DDX60: variants seen among roughly 807,000 people sequenced by gnomAD.
DDX60 encodes the protein probable ATP-dependent RNA helicase DDX60.
In DDX60, 165 loss-of-function variants were observed where a neutral mutation model predicts 212.8. The ratio of observed to expected loss-of-function variants is 0.78; its 90% CI spans 0.68 to 0.88. DDX60 has a LOEUF of 0.88. DDX60 is among the 40% of genes least tolerant of loss of function. The pLI is 0.00. For missense variants in DDX60, 1,905 were observed against 2,003.9 expected, an observed-to-expected ratio of 0.95 and a Z score of 0.94; for synonymous variants, 703 against 685.3, an observed-to-expected ratio of 1.03 and a Z score of -0.40.
chr4:168,242,235 GGGAAAATAT>G (rs1440742942), intron 30 of DDX60, among the ~76,000 whole-genome samples: 1 of 152,224 alleles, frequency 6.6e-6, no homozygotes, highest in Admixed American at 6.5e-5. Context: ...GCAGTGCAAA[GGGAAAATAT>G]GGGGTTGGAG....
rs1736895947 is a variant in DDX60, at chr4:168,306,694, G to C, written c.291C>G (p.Phe97Leu). The C allele has an allele frequency of 6.2e-7, 1 of 1,613,208 alleles. No individual in the cohort carries two copies. Among genetic ancestry groups the C allele is most frequent in the African/African-American group, 1.3e-5 (1 of 74,888 alleles). ...FKDAEYAYFN[F>L]PELLSLRTAL... ...CAGTTCTCAAAGAAAGAAGTTCAGGGAAGTTGAAATACGCATACTCGGCAT... is the reference window on the plus strand; with the variant it reads ...CAGTTCTCAAAGAAAGAAGTTCAGGCAAGTTGAAATACGCATACTCGGCAT... The change falls in exon 5 of 38, where the codon TTC (phenylalanine) becomes TTG (leucine). Residue 97 changes from phenylalanine (F) to leucine (L), a missense_variant. Coordinates refer to ENST00000393743, the MANE Select transcript of DDX60 (RefSeq NM_017631.6).
At chr4:168,261,976 G>T (rs1039234488) in intron 24 of DDX60, 24 bp downstream of exon 24, 3 of 1,570,884 alleles carry the variant, frequency 1.9e-6, no homozygotes, top group African/African-American at 2.8e-5. Flanking sequence ...AATAAAGTTT[G>T]GCCAAAAAGC....
At chr4:168,231,392 T>C (rs865959562) in intron 33 of DDX60, among the ~76,000 whole-genome samples, 1 of 147,524 alleles carries the variant, frequency 6.8e-6, no homozygotes, top group Non-Finnish European at 1.5e-5. Flanking sequence ...AACCAGGAAA[T>C]GACATAACAA....
chr4:168,262,067 G>C lies in DDX60; in HGVS notation c.3206C>G (p.Ala1069Gly), dbSNP rs763299326. The C allele has an allele frequency of 2.5e-6, 4 of 1,602,412 alleles. No homozygotes were observed. The South Asian group carries it at 4.5e-5, about 18-fold the overall frequency. The change falls in exon 24 of 38, where the codon GCT becomes GGT. Residue 1069 changes from alanine (A) to glycine (G), a missense_variant. By Grantham distance (60) the Ala-to-Gly change is moderately conservative. Coordinates refer to ENST00000393743, the MANE Select transcript of DDX60 (RefSeq NM_017631.6). Reference protein sequence around the residue: ...NNKLVIKKMDARKYEESLKAE... With the variant: ...NNKLVIKKMDGRKYEESLKAE... ...CTTTAGACTCTCTTCATATTTCCTA[G>C]CATCCATCTTTTTAATGACTAATTT... is the stretch of plus-strand genomic sequence containing the variant.
intron 5 of DDX60, among the ~76,000 whole-genome samples, chr4:168,304,380 A>T (rs1445613443): frequency 6.6e-6 from 1 of 152,096 alleles, no homozygotes; most frequent in Non-Finnish European, 1.5e-5. Flanking sequence ...ATATTTTAAC[A>T]GAAAAAAAGC....
chr4:168,309,455 T>C (rs1477104385), intron 3 of DDX60, among the ~76,000 whole-genome samples: 1 of 151,694 alleles, frequency 6.6e-6, no homozygotes, highest in Non-Finnish European at 1.5e-5. Context: ...AAGAAATGAG[T>C]GAAGGCATTG....
chr4:168,304,514 A>T (rs942063000), intron 5 of DDX60, among the ~76,000 whole-genome samples: 1 of 152,140 alleles, frequency 6.6e-6, no homozygotes, highest in Non-Finnish European at 1.5e-5. Context: ...CAGCCTGGGC[A>T]ACATGGCAAA....
At chr4:168,245,024 A>G (rs895072066) in intron 30 of DDX60, among the ~76,000 whole-genome samples, 1 of 152,194 alleles carries the variant, frequency 6.6e-6, no homozygotes, top group Non-Finnish European at 1.5e-5. Flanking sequence ...ATACCTGAGC[A>G]TTGCATAGCA....
intron 14 of DDX60, among the ~76,000 whole-genome samples, chr4:168,277,190 C>T (rs1397884227): frequency 6.6e-6 from 1 of 152,144 alleles, no homozygotes; most frequent in Admixed American, 6.5e-5. Context: ...TTACTACCTG[C>T]TATGGAAATT....
At chr4:168,277,808 CAAAAAAAAAAAAAGA>C (rs1462440038) in intron 14 of DDX60, among the ~76,000 whole-genome samples, 12 of 55,656 alleles carry the variant, frequency 2.2e-4, no homozygotes, top group African/African-American at 2.7e-4. Context: ...GACTCCATCT[CAAAAAAAAAAAAAGA>C]AAAAAAAAAA....
At chr4:168,291,666 A>G (rs897997371) in intron 8 of DDX60, 82 bp downstream of exon 8, 2 of 1,337,074 alleles carry the variant, frequency 1.5e-6, no homozygotes, top group African/African-American at 3.0e-5. Flanking sequence ...GTAGTCCCAC[A>G]TAAGAGAATT....
intron 19 of DDX60, among the ~76,000 whole-genome samples, chr4:168,270,128 A>G (rs1735026544): frequency 6.6e-6 from 1 of 152,232 alleles, no homozygotes; most frequent in Admixed American, 6.5e-5. Context: ...GGCATTAAGT[A>G]AACTGTAACC....
At chr4:168,266,691 G>A (rs1260448864) in intron 22 of DDX60, among the ~76,000 whole-genome samples, 1 of 152,174 alleles carries the variant, frequency 6.6e-6, no homozygotes, top group East Asian at 1.9e-4. Flanking sequence ...GGAGATTGGG[G>A]CCAGGTCATA....
intron 23 of DDX60, 133 bp downstream of exon 23, chr4:168,262,550 A>G: frequency 1.6e-6 from 1 of 616,460 alleles, no homozygotes; most frequent in South Asian, 2.3e-5. Context: ...TAGAAATATG[A>G]GAAGAGGCAC....
intron 5 of DDX60, among the ~76,000 whole-genome samples, chr4:168,304,725 T>C (rs1050135987): frequency 3.9e-5 from 6 of 152,202 alleles, no homozygotes; most frequent in Non-Finnish European, 5.9e-5. Context: ...AAGGAAAATA[T>C]TTTTGTACAG....
chr4:168,218,046 G>A (rs925054243), intron 37 of DDX60, among the ~76,000 whole-genome samples: 7 of 152,132 alleles, frequency 4.6e-5, no homozygotes, highest in African/African-American at 1.7e-4. Flanking sequence ...AGTACAGCTG[G>A]ACTGATCAAG....
intron 6 of DDX60, among the ~76,000 whole-genome samples, chr4:168,299,090 G>A (rs1736533598): frequency 1.3e-5 from 2 of 149,202 alleles, no homozygotes; most frequent in Non-Finnish European, 3.0e-5. Flanking sequence ...GAACCCAGGA[G>A]GTGGAGGATG....
intron 35 of DDX60, among the ~76,000 whole-genome samples, 173 bp downstream of exon 35, chr4:168,224,070 C>T (rs564842834): frequency 4.6e-5 from 7 of 152,040 alleles, no homozygotes; most frequent in African/African-American, 1.7e-4. Context: ...CTCTGAGAAA[C>T]AGAAATCATA....
chr4:168,258,579 T>C (rs912766436), intron 25 of DDX60, among the ~76,000 whole-genome samples: 12 of 152,228 alleles, frequency 7.9e-5, no homozygotes, highest in Non-Finnish European at 1.5e-4. Flanking sequence ...CCAAGGATGT[T>C]CACAGTTTAT....
Sources: gnomAD v4.1 joint callset for allele counts (sites outside exome capture counted in the v4.1 genomes callset) on GRCh38, gnomAD v4.1.1 for gene constraint, MANE v1.5 for transcripts, NCBI Gene and HGNC (gene_info 2026-07-23, HGNC 2026-07-21) for gene names.